The following DENND2D variants were observed in gnomAD, a reference collection of about 807,000 sequenced individuals.
DENND2D encodes DENN domain-containing protein 2D.
Under a neutral mutation model 59.8 loss-of-function variants are expected in DENND2D, and 37 were observed. The observed-to-expected ratio is 0.62, with a 90% CI of 0.48 to 0.81. DENND2D has a LOEUF of 0.81. DENND2D is among the 40% of genes least tolerant of loss of function. DENND2D has a pLI of 0.00. For synonymous variants in DENND2D, 219 were observed against 211.3 expected (o/e 1.04, Z -0.31); for missense variants, 525 against 579.7 (o/e 0.91, Z 0.97).
At chr1:111,200,944 C>A, upstream of DENND2D, 1 of 167,050 alleles carries the variant, frequency 6.0e-6, no homozygotes, top group Non-Finnish European at 1.3e-5. Flanking sequence ...GATCCTATAC[C>A]TCCAACACTT....
At chr1:111,195,292 T>C (rs1477092319) in intron 6 of DENND2D, 3 of 155,284 alleles carry the variant, frequency 1.9e-5, no homozygotes, top group East Asian at 1.9e-4. Context: ...CAGAAAATAG[T>C]ATAGCTTGGC....
chr1:111,189,131 TTTAA>T, intron 9 of DENND2D, 77 bp downstream of exon 9: 1 of 1,507,278 alleles, frequency 6.6e-7, no homozygotes, highest in Non-Finnish European at 9.2e-7. Context: ...TAAATGTTTG[TTTAA>T]ATAAGTGGAA....
In DENND2D at chr1:111,187,495, G is replaced by T; in HGVS notation, c.*110C>A. 1 of 821,690 alleles carries T rather than the reference G, an allele frequency of 1.2e-6. No individual in the cohort carries two copies. Among genetic ancestry groups the T allele is most frequent in the Non-Finnish European group, 2.0e-6 (1 of 488,988 alleles). The allele number at this position is 821,690 out of a possible 1,614,324, so 50.9% of individuals were successfully genotyped here. On this transcript the variant is annotated 3_prime_UTR_variant, in exon 12 of 12. Coordinates refer to ENST00000357640, the MANE Select transcript of DENND2D (RefSeq NM_024901.5). ...CAATACCTGGATACCAAGACTCAGA[G>T]TGAGGATATGGATTTTGGGAGCTGA...
chr1:111,199,525 C>A (rs984768143), intron 2 of DENND2D, 98 bp downstream of exon 2: 1 of 1,415,354 alleles, frequency 7.1e-7, no homozygotes, highest in African/African-American at 1.4e-5. Flanking sequence ...CAGGCTCAAG[C>A]CCCGGTAGGG....
At chr1:111,192,536 C>T (rs1338157597) in intron 7 of DENND2D, among the ~76,000 whole-genome samples, 1 of 152,140 alleles carries the variant, frequency 6.6e-6, no homozygotes, top group Non-Finnish European at 1.5e-5. Context: ...CAAGAAGGGC[C>T]TTGATTTGAC....
In DENND2D at chr1:111,188,204, C is replaced by T. The variant is rs1657396104; in HGVS notation, c.1266G>A (p.Val422=). The T allele has an allele frequency of 6.2e-7, 1 of 1,614,160 alleles. No homozygotes were observed. The change falls in exon 11 of 12, where the codon GTG becomes GTA. Residue 422 remains valine (V), a synonymous_variant. Transcript: ENST00000357640. ...ALTSKTNRRF[V]KKFVKTQLFS... is the part of the protein sequence containing the mutation. The stretch of plus-strand genomic sequence containing the variant: ...AGAGCTGTGTCTTCACAAACTTCTT[C>T]ACAAATCGGCGGTTGGTCTTGGAGG...
At position 111,187,784 on chromosome 1, in the gene DENND2D, G is replaced by C. The variant is rs111752076; in HGVS notation, c.1340-103C>G. ...AAATATCCTGTCTGCTCCCCATACT[G>C]CCATCCCTGCCAGGATGTCTCTGGC... is the stretch of plus-strand genomic sequence containing the variant. On this transcript the variant is annotated intron_variant, in intron 11 of 11. Coordinates refer to ENST00000357640, the MANE Select transcript of DENND2D (RefSeq NM_024901.5). The C allele has an allele frequency of 2.6e-3, 2,426 of 932,776 alleles. 19 individuals carry two copies. Among genetic ancestry groups the C allele is most frequent in the African/African-American group, 0.02 (1,202 of 60,824 alleles). The allele number at this position is 932,776 out of a possible 1,614,324, so 57.8% of individuals were successfully genotyped here.
In DENND2D at chr1:111,199,724, C is replaced by G. The variant is rs768262590; in HGVS notation, c.142G>C (p.Ala48Pro). ...TATTCAAAGAAGTGCTGCCCCCCAGCAAAGTTGGGCAAAGAGTGCTCCTGG... is the reference window on the plus strand; with the variant it reads ...TATTCAAAGAAGTGCTGCCCCCCAGGAAAGTTGGGCAAAGAGTGCTCCTGG... ...RAQEHSLPNF[A>P]GGQHFFEYLL... is the part of the protein sequence containing the mutation. The change falls in exon 2 of 12, where the codon GCT becomes CCT. Residue 48 changes from alanine to proline, a missense_variant. Ala to Pro is a conservative substitution (Grantham distance 27). Around this residue, in one of 3 missense-constraint regions of DENND2D, gnomAD observed 253 missense variants for 246.4 expected, o/e 1.03. Transcript: ENST00000357640. 3.1e-6 allele frequency: 5 copies of G among 1,614,138 alleles called. No individual in the cohort carries two copies. Among genetic ancestry groups the G allele is most frequent in the South Asian group, 1.1e-5 (1 of 91,084 alleles).
intron 5 of DENND2D, 34 bp downstream of exon 5, chr1:111,197,142 A>G: frequency 6.4e-7 from 1 of 1,574,052 alleles, no homozygotes; most frequent in Non-Finnish European, 8.6e-7. Flanking sequence ...GACAGCCTGG[A>G]ATATGGGCAG....
intron 8 of DENND2D, among the ~76,000 whole-genome samples, chr1:111,191,475 A>G (rs531430254): frequency 6.6e-6 from 1 of 152,284 alleles, no homozygotes; most frequent in East Asian, 1.9e-4. Context: ...TCTAAAGCAC[A>G]TGTTTTGAGT....
chr1:111,191,480 T>A (rs1013953909), intron 8 of DENND2D, among the ~76,000 whole-genome samples: 29 of 152,300 alleles, frequency 1.9e-4, no homozygotes, highest in African/African-American at 6.5e-4. Context: ...AGCACATGTT[T>A]TGAGTTATTT....
chr1:111,200,708 C>T (rs185211779), upstream of DENND2D: 41 of 1,283,086 alleles, frequency 3.2e-5, no homozygotes, highest in Non-Finnish European at 3.4e-5. Context: ...GGCACTGCAG[C>T]GCAGATCTCA....
In DENND2D at chr1:111,198,657, T is replaced by C; in HGVS notation, c.329A>G (p.Glu110Gly). ...IPLFCFPDGN[E>G]WASLTEYPRE... ...GGGATACTCGGTGAGTGATGCCCAC[T>C]CATTCCCATCTGGGAAGCAGAACAA... Residue 110 changes from glutamate (E) to glycine (G), a missense_variant, in exon 3 of 12, where the codon GAG becomes GGG. Transcript: ENST00000357640. 1 of 1,614,144 alleles carries C rather than the reference T, an allele frequency of 6.2e-7. No homozygotes were observed. The highest frequency in any genetic ancestry group is 8.5e-7 in the Non-Finnish European group (1 of 1,180,024).
intron 8 of DENND2D, among the ~76,000 whole-genome samples, chr1:111,190,159 G>A (rs1245909207): frequency 5.9e-5 from 4 of 67,410 alleles, no homozygotes; most frequent in African/African-American, 2.4e-4. Context: ...GCGAGACTCT[G>A]TCTCAAAAAA....
chr1:111,188,351 C>G lies in DENND2D; in HGVS notation c.1119G>C (p.Glu373Asp). 6.2e-7 allele frequency: 1 copy of G among 1,613,798 alleles called. No individual in the cohort carries two copies. Residue 373 changes from glutamate to aspartate, a missense_variant, in exon 11 of 12, where the codon GAG (glutamate) becomes GAC (aspartate). Physicochemically the swap from Glu to Asp is conservative, Grantham distance 45 (BLOSUM62 2). Coordinates refer to ENST00000357640, the MANE Select transcript of DENND2D (RefSeq NM_024901.5). ...ACTGCACAAAGGGGCCTGAAACATGCTCGTTGATTTGTTCTGCAGCTGCAG... is the reference window on the plus strand; with the variant it reads ...ACTGCACAAAGGGGCCTGAAACATGGTCGTTGATTTGTTCTGCAGCTGCAG... ...NELKTAEQIN[E>D]HVSGPFVQFF...
upstream of DENND2D, among the ~76,000 whole-genome samples, chr1:111,203,537 C>T (rs377444309): frequency 2.0e-5 from 3 of 152,380 alleles, no homozygotes; most frequent in African/African-American, 7.2e-5. Flanking sequence ...TAACTGCCCT[C>T]CTTCCAACCC....
At chr1:111,197,567 C>T in intron 4 of DENND2D, 1 of 1,361,214 alleles carries the variant, frequency 7.3e-7, no homozygotes, top group Non-Finnish European at 9.5e-7. Flanking sequence ...GGGGAATCCT[C>T]CTGAGACCTA....
chr1:111,196,078 G>T, intron 5 of DENND2D, 22 bp from the exon 6 acceptor site: 1 of 1,591,128 alleles, frequency 6.3e-7, no homozygotes. Flanking sequence ...AGAACCACGG[G>T]AGGCACGGCT....
intron 2 of DENND2D, 108 bp from the exon 3 acceptor site, chr1:111,198,850 T>C (rs1233599999): frequency 5.8e-5 from 65 of 1,111,662 alleles, no homozygotes; most frequent in Non-Finnish European, 8.2e-5. Context: ...CAGTCTAGGG[T>C]TAAGCTTCTC....
Sources: gnomAD v4.1 joint callset for allele counts (sites outside exome capture counted in the v4.1 genomes callset) on GRCh38, gnomAD v4.1.1 for gene constraint, gnomAD v4.1.1 regional missense constraint, MANE v1.5 for transcripts, NCBI Gene and HGNC (gene_info 2026-07-23, HGNC 2026-07-21) for gene names.